ZNF362: variants seen among roughly 807,000 people sequenced by gnomAD.
ZNF362 encodes the protein zinc finger protein 362.
Under a neutral mutation model 42.9 loss-of-function variants are expected in ZNF362, and 11 were observed. That is an observed-to-expected ratio of 0.26 (90% CI 0.16 to 0.42). The LOEUF is 0.42. Ranked by LOEUF, ZNF362 falls within the 20% of genes least tolerant of loss-of-function variation. ZNF362 has a pLI of 1.00. For missense variants in ZNF362, 362 were observed against 576.2 expected, an observed-to-expected ratio of 0.63 and a Z score of 3.81; for synonymous variants, 255 against 257.3, an observed-to-expected ratio of 0.99 and a Z score of 0.09.
At chr1:33,272,649 C>T (rs1262075029) in intron 2 of ZNF362, among the ~76,000 whole-genome samples, 2 of 152,080 alleles carry the variant, frequency 1.3e-5, no homozygotes, top group African/African-American at 4.8e-5. Context: ...CACACTCAAC[C>T]CCCGGGTGGC....
At chr1:33,277,701 G>GGGGA (rs1458267828) in intron 4 of ZNF362, among the ~76,000 whole-genome samples, 1 of 152,180 alleles carries the variant, frequency 6.6e-6, no homozygotes, top group Non-Finnish European at 1.5e-5. Context: ...AGGAGCATGA[G>GGGGA]GGGAGGGAGG....
the ZNF362 span, chr1:33,195,000 T>C: frequency 6.6e-6 from 1 of 152,138 alleles, no homozygotes; most frequent in Non-Finnish European, 1.5e-5. Flanking sequence ...AAAAATTTCA[T>C]TTCTAGACAT....
chr1:33,256,809 C>T (rs1570375999), intron 1 of ZNF362, among the ~76,000 whole-genome samples, 155 bp downstream of exon 1: 1 of 139,810 alleles, frequency 7.2e-6, no homozygotes, highest in Admixed American at 7.1e-5. Context: ...GCCGCCTGCG[C>T]CTCGGGCCCG....
At chr1:33,214,645 T>A in the ZNF362 span, among the ~76,000 whole-genome samples, 1 of 152,214 alleles carries the variant, frequency 6.6e-6, no homozygotes, top group African/African-American at 2.4e-5. Context: ...GACAACTTGA[T>A]CAGAAAAAAT....
intron 6 of ZNF362, among the ~76,000 whole-genome samples, chr1:33,287,250 C>T (rs1390466674): frequency 6.6e-6 from 1 of 152,232 alleles, no homozygotes; most frequent in Non-Finnish European, 1.5e-5. Flanking sequence ...CTGCAGATAT[C>T]ACAGTGTGGG....
At chr1:33,149,075 C>A in the ZNF362 span, among the ~76,000 whole-genome samples, 1 of 152,224 alleles carries the variant, frequency 6.6e-6, no homozygotes, top group Non-Finnish European at 1.5e-5. Flanking sequence ...ATTCAAAAGG[C>A]CCACCCTTTG....
At chr1:33,215,039 C>T in the ZNF362 span, among the ~76,000 whole-genome samples, 2 of 152,238 alleles carry the variant, frequency 1.3e-5, no homozygotes, top group East Asian at 3.9e-4. Context: ...TAGATATCTG[C>T]GCTCCCATGT....
At chr1:33,250,756 AAAG>A in the ZNF362 span, among the ~76,000 whole-genome samples, 4 of 151,280 alleles carry the variant, frequency 2.6e-5, no homozygotes, top group East Asian at 3.9e-4. Flanking sequence ...GAAGAAAAAA[AAAG>A]AAGAAAGAAG....
At chr1:33,180,999 T>A in the ZNF362 span, 1 of 563,320 alleles carries the variant, frequency 1.8e-6, no homozygotes, top group Non-Finnish European at 2.2e-6. Flanking sequence ...GCCCCGCCCC[T>A]TCCCCAGGCA....
At chr1:33,192,066 C>G in the ZNF362 span, among the ~76,000 whole-genome samples, 1 of 152,170 alleles carries the variant, frequency 6.6e-6, no homozygotes, top group Non-Finnish European at 1.5e-5. Flanking sequence ...ACCTATCTGC[C>G]CTCCAGCTGT....
the ZNF362 span, among the ~76,000 whole-genome samples, chr1:33,236,475 G>A: frequency 4.4e-5 from 6 of 136,902 alleles, no homozygotes; most frequent in Non-Finnish European, 7.7e-5. Flanking sequence ...GCTTGAACCC[G>A]GGAGTTCAAG....
chr1:33,226,475 CA>C, the ZNF362 span, among the ~76,000 whole-genome samples: 1 of 152,178 alleles, frequency 6.6e-6, no homozygotes, highest in Non-Finnish European at 1.5e-5. Flanking sequence ...AATGGATAAA[CA>C]AAATGTGGTG....
intron 6 of ZNF362, among the ~76,000 whole-genome samples, chr1:33,282,703 T>A (rs1377266910): frequency 6.6e-6 from 1 of 151,914 alleles, no homozygotes; most frequent in Non-Finnish European, 1.5e-5. Context: ...GCGTCTGTAA[T>A]CCCAGCTACT....
At position 33,280,126 on chromosome 1, in the gene ZNF362, C is replaced by T; in HGVS notation, c.352C>T (p.Leu118=). ...ARPATSTVTG[L]GLSTRTPSVS... is the part of the protein sequence containing the mutation. Reference sequence around the variant, plus strand: ...CCCCCACCCACCTGTCTTCGCAGGTCTGGGGCTGTCCACCCGGACCCCGTC... The same window carrying T: ...CCCCCACCCACCTGTCTTCGCAGGTTTGGGGCTGTCCACCCGGACCCCGTC... The change falls in exon 5 of 9, where the codon CTG becomes TTG. Residue 118 remains leucine, a splice_region_variant and synonymous_variant. Coordinates refer to ENST00000539719, the MANE Select transcript of ZNF362 (RefSeq NM_152493.3). The surrounding 1 kb of genome is among the most constrained non-coding windows in gnomAD (Gnocchi z 5.6). The T allele has an allele frequency of 6.4e-7, 1 of 1,569,154 alleles. No individual in the cohort carries two copies. The highest frequency in any genetic ancestry group is 1.3e-5 in the African/African-American group (1 of 74,494).
chr1:33,135,876 C>T, the ZNF362 span, among the ~76,000 whole-genome samples: 1 of 152,074 alleles, frequency 6.6e-6, no homozygotes, highest in African/African-American at 2.4e-5. Flanking sequence ...GTTGGGTAAG[C>T]GATTGAATGA....
chr1:33,260,369 A>G (rs753455992), intron 1 of ZNF362, among the ~76,000 whole-genome samples: 3 of 152,196 alleles, frequency 2.0e-5, no homozygotes, highest in Non-Finnish European at 2.9e-5. Context: ...TTGAATTTAC[A>G]AAGCCTGGTG....
At chr1:33,189,634 CATATATATATAT>C in the ZNF362 span, among the ~76,000 whole-genome samples, 66 of 55,566 alleles carry the variant, frequency 1.2e-3, 3 homozygotes, top group Admixed American at 2.1e-3. Context: ...CACATTCCAG[CATATATATATAT>C]ATATATATAT....
intron 1 of ZNF362, among the ~76,000 whole-genome samples, chr1:33,265,748 C>T (rs1193315541): frequency 6.6e-6 from 1 of 152,302 alleles, no homozygotes; most frequent in South Asian, 2.1e-4. Context: ...TGGCCCCATA[C>T]AGCTTGTCCA....
chr1:33,229,558 C>T, the ZNF362 span, among the ~76,000 whole-genome samples: 1 of 152,062 alleles, frequency 6.6e-6, no homozygotes, highest in Non-Finnish European at 1.5e-5. Context: ...AGGTGCCCAC[C>T]ACCACACCGG....
Sources: gnomAD v4.1 joint callset for allele counts (sites outside exome capture counted in the v4.1 genomes callset) on GRCh38, gnomAD v4.1.1 for gene constraint, Gnocchi (gnomAD v3.1) non-coding constraint, MANE v1.5 for transcripts, NCBI Gene and HGNC (gene_info 2026-07-23, HGNC 2026-07-21) for gene names.